Variants in IFI27L1 observed in about 807,000 individuals in gnomAD.
IFI27L1 encodes interferon alpha inducible protein 27 like 1.
In IFI27L1, 3 loss-of-function variants were observed where a neutral mutation model predicts 9.2. The observed-to-expected ratio is 0.32, with a 90% CI of 0.15 to 0.84. The LOEUF (loss-of-function observed/expected upper bound fraction) is 0.84, where lower values mean the gene tolerates loss of function less well. IFI27L1 is among the 40% of genes least tolerant of loss of function. The pLI is 0.56. For missense variants in IFI27L1, 133 were observed against 134.2 expected (o/e 0.99, Z 0.05); for synonymous variants, 53 against 50.0 (o/e 1.06, Z -0.26).
At chr14:94,093,323 T>A (rs1359485218) in intron 1 of IFI27L1, among the ~76,000 whole-genome samples, 1 of 151,784 alleles carries the variant, frequency 6.6e-6, no homozygotes, top group Non-Finnish European at 1.5e-5. Flanking sequence ...CCCGCCACCA[T>A]GCCCGGCTAA....
In IFI27L1 at chr14:94,101,914, A is replaced by G. The variant is rs755085298; in HGVS notation, c.162A>G (p.Ala54=). Reference sequence around the variant, plus strand: ...TAGCAGCCAAGATGATGTCTACAGCAGCCATTGCCAACGGGGGCGGAGTTG... The same window carrying G: ...TAGCAGCCAAGATGATGTCTACAGCGGCCATTGCCAACGGGGGCGGAGTTG... ...SSIAAKMMST[A]AIANGGGVAA... is the part of the protein sequence containing the mutation. Residue 54 remains alanine (A), a synonymous_variant, in exon 4 of 5, where the codon GCA becomes GCG. Coordinates refer to ENST00000555523, the MANE Select transcript of IFI27L1 (RefSeq NM_206949.3). 8 of 1,614,132 alleles carry G rather than the reference A, an allele frequency of 5.0e-6. No homozygotes were observed. The highest frequency in any genetic ancestry group is 6.8e-6 in the Non-Finnish European group (8 of 1,180,044).
intron 1 of IFI27L1, among the ~76,000 whole-genome samples, chr14:94,085,296 T>A (rs1333563049): frequency 6.6e-6 from 1 of 152,204 alleles, no homozygotes; most frequent in Non-Finnish European, 1.5e-5. Flanking sequence ...CTGAGCTCTG[T>A]AACATTAGCT....
chr14:94,089,130 G>C (rs1281855689), intron 1 of IFI27L1: 1 of 152,146 alleles, frequency 6.6e-6, no homozygotes. Context: ...AGGTCCCGAT[G>C]CATATCCTAA....
chr14:94,088,423 G>T, intron 1 of IFI27L1: 2 of 691,902 alleles, frequency 2.9e-6, no homozygotes, highest in South Asian at 3.0e-5. Flanking sequence ...CCCACTTTTA[G>T]GGTGGAGCCA....
chr14:94,081,424 G>A lies in IFI27L1; in HGVS notation c.-77G>A. ...ATTCTGTGTGCTCCCTCCGGCGAGA[G>A]ACTTTGTCAGCTCCCGCACAGTAAC... On this transcript the variant is annotated 5_prime_UTR_variant, in exon 1 of 5. Transcript: ENST00000555523. 6.6e-6 allele frequency: 1 copy of A among 152,282 alleles called. No homozygotes were observed. Among genetic ancestry groups the A allele is most frequent in the East Asian group, 1.9e-4 (1 of 5,194 alleles). The allele number at this position is 152,282 out of a possible 1,614,324, so 9.4% of individuals were successfully genotyped here. A position where few individuals can be genotyped will look rare whatever the true frequency, so the allele number is the denominator to read the frequency against.
At chr14:94,101,050 G>A (rs763138801) in intron 3 of IFI27L1, 20 of 582,864 alleles carry the variant, frequency 3.4e-5, no homozygotes, top group South Asian at 3.3e-4. Flanking sequence ...GTCACAGCCC[G>A]GGATTCCTCC....
At chr14:94,096,737 A>G (rs966826242) in intron 1 of IFI27L1, 150 bp from the exon 2 acceptor site, 1 of 490,582 alleles carries the variant, frequency 2.0e-6, no homozygotes. Flanking sequence ...TACTTAGGGT[A>G]GTTACTCAAA....
Position 94,100,733 on chromosome 14 carries a change from C to T in IFI27L1, c.29-6C>T. On this transcript the variant is annotated splice_region_variant and splice_polypyrimidine_tract_variant and intron_variant, in intron 2 of 4. Transcript: ENST00000555523. ...TTGTTGTTGTTGTTGTTGTTTTTGT[C>T]TCCAGGCAGGGCTGCTGTAGCAGCT... 3 of 1,613,198 alleles carry T rather than the reference C, an allele frequency of 1.9e-6. No homozygotes were observed. Among genetic ancestry groups the T allele is most frequent in the South Asian group, 1.1e-5 (1 of 91,068 alleles).
At chr14:94,099,248 C>T (rs1315998787) in intron 2 of IFI27L1, among the ~76,000 whole-genome samples, 1 of 152,140 alleles carries the variant, frequency 6.6e-6, no homozygotes, top group Non-Finnish European at 1.5e-5. Context: ...CACTGCTCAT[C>T]ACAGAAGTGG....
intron 2 of IFI27L1, among the ~76,000 whole-genome samples, chr14:94,098,281 T>G (rs1886748520): frequency 6.6e-6 from 1 of 152,202 alleles, no homozygotes; most frequent in South Asian, 2.1e-4. Context: ...TCCATGCCAC[T>G]CCCTAGTTTC....
rs1392623268 is a variant in IFI27L1, at chr14:94,102,534, T to C, written c.281T>C (p.Leu94Pro). Reference sequence around the variant, plus strand: ...ATCGGGGGCTTTGCTGGGACAGCTCTTGGGGCCTGGCTGGGTTCACCCCCT... The same window carrying C: ...ATCGGGGGCTTTGCTGGGACAGCTCCTGGGGCCTGGCTGGGTTCACCCCCT... ...KVIGGFAGTALGAWLGSPPSS is the reference protein window; with the variant it reads ...KVIGGFAGTAPGAWLGSPPSS The change falls in exon 5 of 5, where the codon CTT (leucine) becomes CCT (proline). Residue 94 changes from leucine to proline, a missense_variant. Coordinates refer to ENST00000555523, the MANE Select transcript of IFI27L1 (RefSeq NM_206949.3). 1 of 1,588,844 alleles carries C rather than the reference T, an allele frequency of 6.3e-7. No individual in the cohort carries two copies. Among genetic ancestry groups the C allele is most frequent in the Non-Finnish European group, 8.6e-7 (1 of 1,166,826 alleles).
chr14:94,100,890 G>A (rs1886870308), intron 3 of IFI27L1, 119 bp downstream of exon 3: 1 of 1,113,636 alleles, frequency 9.0e-7, no homozygotes, highest in African/African-American at 1.5e-5. Context: ...CTGGGTAGCG[G>A]TGGAGTGGGC....
chr14:94,102,413 C>T (rs1886934148), intron 4 of IFI27L1, 64 bp from the exon 5 acceptor site: 6 of 1,056,094 alleles, frequency 5.7e-6, no homozygotes, highest in Middle Eastern at 2.5e-4. Context: ...CTCTGGCCTT[C>T]AACCCCCTGT....
At chr14:94,099,585 C>A (rs552316332) in intron 2 of IFI27L1, among the ~76,000 whole-genome samples, 1 of 152,210 alleles carries the variant, frequency 6.6e-6, no homozygotes, top group Middle Eastern at 3.4e-3. Flanking sequence ...TCAGAGAGAG[C>A]GTGGCCTTGC....
intron 1 of IFI27L1, among the ~76,000 whole-genome samples, chr14:94,081,745 C>T (rs1246052005): frequency 6.6e-6 from 1 of 152,058 alleles, no homozygotes; most frequent in East Asian, 1.9e-4. Context: ...TGTTTTGGGG[C>T]GCCATGAGCT....
intron 1 of IFI27L1, among the ~76,000 whole-genome samples, chr14:94,086,108 T>C (rs117004658): frequency 1.2e-3 from 189 of 152,330 alleles, no homozygotes; most frequent in Non-Finnish European, 1.9e-3. Context: ...CATGAATGGC[T>C]TGGGCCATCT....
At chr14:94,099,586 G>A (rs1455321360) in intron 2 of IFI27L1, among the ~76,000 whole-genome samples, 1 of 152,158 alleles carries the variant, frequency 6.6e-6, no homozygotes, top group African/African-American at 2.4e-5. Flanking sequence ...CAGAGAGAGC[G>A]TGGCCTTGCT....
At chr14:94,102,048 C>T in intron 4 of IFI27L1, 73 bp downstream of exon 4, 3 of 1,491,236 alleles carry the variant, frequency 2.0e-6, no homozygotes, top group East Asian at 2.3e-5. Context: ...GAGGCCTCTC[C>T]TCTCCCTGCA....
At chr14:94,097,036 T>A in intron 2 of IFI27L1, 71 bp downstream of exon 2, 6 of 1,268,292 alleles carry the variant, frequency 4.7e-6, no homozygotes, top group Non-Finnish European at 6.7e-6. Context: ...CCCACTCTTC[T>A]GACACCAGAT....
Sources: gnomAD v4.1 joint callset for allele counts (sites outside exome capture counted in the v4.1 genomes callset) on GRCh38, gnomAD v4.1.1 for gene constraint, MANE v1.5 for transcripts, NCBI Gene and HGNC (gene_info 2026-07-23, HGNC 2026-07-21) for gene names.